Variants in DSG1 observed in about 807,000 individuals in gnomAD.
The protein encoded by DSG1 is desmoglein-1.
A neutral mutation model predicts 97.5 loss-of-function variants in DSG1; 39 were observed. That is an observed-to-expected ratio of 0.40 (90% CI 0.31 to 0.52). The LOEUF (loss-of-function observed/expected upper bound fraction) is 0.52. DSG1 is among the 20% of genes least tolerant of loss of function. The pLI, the probability that DSG1 is intolerant of heterozygous loss-of-function variation, is 0.53. For synonymous variants in DSG1, 475 were observed against 443.4 expected (o/e 1.07, Z -0.90); for missense variants, 1,311 against 1,295.4 (o/e 1.01, Z -0.18).
chr18:31,330,869 T>C (rs2071716065), intron 5 of DSG1, among the ~76,000 whole-genome samples: 1 of 152,140 alleles, frequency 6.6e-6, no homozygotes, highest in African/African-American at 2.4e-5. Flanking sequence ...CATAAGTGTA[T>C]ATAAATGTTA....
At chr18:31,336,118 CAT>C (rs1485345201) in intron 8 of DSG1, among the ~76,000 whole-genome samples, 1 of 152,058 alleles carries the variant, frequency 6.6e-6, no homozygotes, top group African/African-American at 2.4e-5. Context: ...GAGCTCACGT[CAT>C]ATGTTTTCAA....
chr18:31,319,920 G>T (rs375954262), intron 1 of DSG1, among the ~76,000 whole-genome samples: 18 of 151,546 alleles, frequency 1.2e-4, no homozygotes, highest in African/African-American at 3.4e-4. Flanking sequence ...GCTTATGGGG[G>T]TTTTTTTGGG....
chr18:31,347,762 G>C (rs1339973259), intron 14 of DSG1: 1 of 152,016 alleles, frequency 6.6e-6, no homozygotes, highest in African/African-American at 2.4e-5. Flanking sequence ...TTTTCCTGTT[G>C]CTGTGCTGAA....
chr18:31,346,327 C>A, intron 14 of DSG1, 129 bp downstream of exon 14: 1 of 792,388 alleles, frequency 1.3e-6, no homozygotes, highest in Non-Finnish European at 2.2e-6. Flanking sequence ...AGTTTTTGTG[C>A]CCAACAATCC....
At chr18:31,353,106 T>C (rs1301921919) in intron 14 of DSG1, among the ~76,000 whole-genome samples, 1 of 142,810 alleles carries the variant, frequency 7.0e-6, no homozygotes, top group Non-Finnish European at 1.5e-5. Context: ...TGGTTTTATC[T>C]ACTTTTGGTC....
chr18:31,348,303 AT>A (rs2071860515), intron 14 of DSG1, among the ~76,000 whole-genome samples: 1 of 151,270 alleles, frequency 6.6e-6, no homozygotes, highest in Non-Finnish European at 1.5e-5. Context: ...TGAACTCATC[AT>A]TTTTTATGGC....
At position 31,355,556 on chromosome 18, in the gene DSG1, C is replaced by T. The variant is rs2071949745; in HGVS notation, c.*210C>T. 2 of 590,342 alleles carry T rather than the reference C, an allele frequency of 3.4e-6. No homozygotes were observed. The highest frequency in any genetic ancestry group is 3.0e-6 in the Non-Finnish European group (1 of 334,982). The allele number at this position is 590,342 out of a possible 1,614,324, so 36.6% of individuals were successfully genotyped here. ...CATAAACTTTTCTCTTATATTAGGA[C>T]TAAGGAACTAAAACTTGAGGCAGAG... is the stretch of plus-strand genomic sequence containing the variant. On this transcript the variant is annotated 3_prime_UTR_variant, in exon 15 of 15. Transcript: ENST00000257192.
chr18:31,330,464 T>A (rs1271956844), intron 5 of DSG1, among the ~76,000 whole-genome samples: 1 of 152,134 alleles, frequency 6.6e-6, no homozygotes, highest in African/African-American at 2.4e-5. Context: ...AACTTCTTTT[T>A]GTGATTTAAC....
intron 5 of DSG1, 99 bp downstream of exon 5, chr18:31,330,135 C>A: frequency 1.4e-6 from 2 of 1,443,446 alleles, no homozygotes; most frequent in Non-Finnish European, 1.9e-6. Flanking sequence ...AAGAGATAAA[C>A]TATAGAAAAG....
chr18:31,319,352 TG>T (rs984284065), intron 1 of DSG1, among the ~76,000 whole-genome samples: 25 of 152,188 alleles, frequency 1.6e-4, no homozygotes, highest in Admixed American at 1.4e-3. Context: ...AATGTTGGGT[TG>T]GTTGGTATAA....
rs993730858 is a variant in DSG1 at position 31,318,253 on chromosome 18, G to A, written c.-48G>A. 4.6e-6 allele frequency: 7 copies of A among 1,534,492 alleles called. No individual in the cohort carries two copies. The Admixed American group carries it at 5.0e-5, about 11-fold the overall frequency. On this transcript the variant is annotated 5_prime_UTR_variant, in exon 1 of 15. Coordinates refer to ENST00000257192, the MANE Select transcript of DSG1 (RefSeq NM_001942.4). ...TGGGAGAAAGAAAAAGAACAGAGAA[G>A]AACAAACAAAACTCCCTTGGTCTTG...
intron 11 of DSG1, among the ~76,000 whole-genome samples, chr18:31,341,259 T>C (rs2071787002): frequency 6.6e-6 from 1 of 152,250 alleles, no homozygotes; most frequent in African/African-American, 2.4e-5. Context: ...TGTGGAATCA[T>C]AAAATCTTAA....
intron 7 of DSG1, 58 bp from the exon 8 acceptor site, chr18:31,333,959 A>T: frequency 7.9e-7 from 1 of 1,265,324 alleles, no homozygotes; most frequent in Non-Finnish European, 1.1e-6. Flanking sequence ...GTATAAGCCT[A>T]CTGTAGTTCT....
At chr18:31,324,784 C>T (rs1471632611) in intron 1 of DSG1, among the ~76,000 whole-genome samples, 1 of 152,216 alleles carries the variant, frequency 6.6e-6, no homozygotes, top group Non-Finnish European at 1.5e-5. Context: ...AGACCCTCAA[C>T]TGCTCACCGT....
chr18:31,331,360 G>A (rs1233294189), intron 5 of DSG1, among the ~76,000 whole-genome samples: 1 of 152,024 alleles, frequency 6.6e-6, no homozygotes. Context: ...AGAAAGTTGG[G>A]AAAATGTTGG....
At chr18:31,320,614 G>A (rs12962355) in intron 1 of DSG1, among the ~76,000 whole-genome samples, 60,758 of 152,054 alleles carry the variant, frequency 0.4, 13,354 homozygotes, top group Non-Finnish European at 0.49. Flanking sequence ...TCCTGGACAG[G>A]CAAGAGATTA....
At chr18:31,330,154 T>C (rs181458075) in intron 5 of DSG1, 118 bp downstream of exon 5, 3 of 1,288,790 alleles carry the variant, frequency 2.3e-6, no homozygotes, top group East Asian at 2.4e-5. Flanking sequence ...AGATGCAGAA[T>C]AGCAAGTCTT....
intron 8 of DSG1, among the ~76,000 whole-genome samples, chr18:31,334,621 A>T (rs2071740614): frequency 6.6e-6 from 1 of 152,166 alleles, no homozygotes; most frequent in Non-Finnish European, 1.5e-5. Context: ...TCATGTAAAT[A>T]AAAATGTATT....
chr18:31,323,976 C>CTTTTTTTTTTTTT (rs1203163479), intron 1 of DSG1, among the ~76,000 whole-genome samples: 115 of 94,974 alleles, frequency 1.2e-3, no homozygotes, highest in Admixed American at 1.7e-3. Flanking sequence ...TCTCTCCTTC[C>CTTTTTTTTTTTTT]TTTTTTTTTT....
Sources: allele counts gnomAD v4.1 joint callset (sites outside exome capture counted in the v4.1 genomes callset), GRCh38; gene constraint gnomAD v4.1.1; transcripts MANE v1.5; gene names NCBI Gene and HGNC (gene_info 2026-07-23, HGNC 2026-07-21).